Variants in MDGA2 observed in about 807,000 individuals in gnomAD.
MDGA2 encodes MAM domain-containing glycosylphosphatidylinositol anchor protein 2.
A neutral mutation model predicts 117.8 loss-of-function variants in MDGA2; 40 were observed. That is an observed-to-expected ratio of 0.34 (90% CI 0.26 to 0.44). The LOEUF (loss-of-function observed/expected upper bound fraction) is 0.44, where lower values mean the gene tolerates loss of function less well. Among genes scored for constraint, MDGA2 ranks in the 20% least tolerant of loss-of-function variants. The probability of loss-of-function intolerance (pLI) is 1.00; values close to 1 mark genes in which losing one functional copy is unlikely to be tolerated. For missense variants in MDGA2, 1,123 were observed against 1,250.6 expected (o/e 0.90, Z 1.54); for synonymous variants, 452 against 439.0 (o/e 1.03, Z -0.37).
At chr14:47,611,767 C>T (rs959444986) in intron 1 of MDGA2, among the ~76,000 whole-genome samples, 3 of 152,164 alleles carry the variant, frequency 2.0e-5, no homozygotes, top group Non-Finnish European at 4.4e-5. Context: ...TGGAAAGCCA[C>T]ATGCCAAACA....
At chr14:47,660,247 A>C (rs1437039841) in intron 1 of MDGA2, among the ~76,000 whole-genome samples, 1 of 152,204 alleles carries the variant, frequency 6.6e-6, no homozygotes, top group Non-Finnish European at 1.5e-5. Flanking sequence ...GTTAAAGAAA[A>C]CATCAGCTGC....
At chr14:46,994,918 T>C (rs1479214836) in intron 8 of MDGA2, among the ~76,000 whole-genome samples, 1 of 152,140 alleles carries the variant, frequency 6.6e-6, no homozygotes, top group Non-Finnish European at 1.5e-5. Flanking sequence ...TCTGAAGACA[T>C]CATTTTCAGA....
intron 1 of MDGA2, among the ~76,000 whole-genome samples, chr14:47,624,947 C>T (rs1594949582): frequency 6.6e-6 from 1 of 152,064 alleles, no homozygotes; most frequent in African/African-American, 2.4e-5. Flanking sequence ...TTAAATGGAA[C>T]CTTCATTTAG....
chr14:47,174,861 C>T lies in MDGA2; in HGVS notation c.596-30587G>A, dbSNP rs536040948. On this transcript the variant is annotated intron_variant, in intron 3 of 16. Transcript: ENST00000399232. The stretch of plus-strand genomic sequence containing the variant: ...TTCAAAAAATTAATGAATCCAGGAG[C>T]GGGTTTTTTGAAAGGATCAACAAAA... Among the ~76,000 whole-genome samples the T allele has an allele frequency of 1.2e-4, 18 of 151,960 alleles. 1 individual carries two copies. The highest frequency in any genetic ancestry group is 4.1e-4 in the South Asian group (2 of 4,824).
At chr14:47,441,125 G>A (rs1367807456) in intron 1 of MDGA2, among the ~76,000 whole-genome samples, 2 of 152,122 alleles carry the variant, frequency 1.3e-5, no homozygotes, top group Non-Finnish European at 2.9e-5. Context: ...TGAACTCTGA[G>A]CTGAGTGATC....
intron 7 of MDGA2, among the ~76,000 whole-genome samples, chr14:47,052,332 T>G (rs1889488707): frequency 1.3e-5 from 2 of 151,896 alleles, no homozygotes; most frequent in African/African-American, 2.4e-5. Flanking sequence ...TTTAATATTA[T>G]CAAATGAAGA....
intron 1 of MDGA2, among the ~76,000 whole-genome samples, chr14:47,384,201 A>G (rs543419265): frequency 6.6e-6 from 1 of 151,732 alleles, no homozygotes; most frequent in African/African-American, 2.4e-5. Context: ...CCAGGAGGCA[A>G]TAAGGAAGGT....
chr14:46,993,148 AT>A (rs1887157150), intron 8 of MDGA2, among the ~76,000 whole-genome samples: 1 of 152,120 alleles, frequency 6.6e-6, no homozygotes, highest in African/African-American at 2.4e-5. Flanking sequence ...ATATAAATAC[AT>A]TTTATTATTC....
rs185190198 is a variant in MDGA2, at chr14:47,237,881, G to A, written c.421-19686C>T. ...ACCCCTCTAATCTATGTCCCAAATTGCAGCCAGAGTGATCCTGTTAAAACA... is the reference window on the plus strand; with the variant it reads ...ACCCCTCTAATCTATGTCCCAAATTACAGCCAGAGTGATCCTGTTAAAACA... On this transcript the variant is annotated intron_variant, in intron 2 of 16. Transcript: ENST00000399232. Among the ~76,000 whole-genome samples, 16 of 152,146 alleles carry A rather than the reference G, an allele frequency of 1.1e-4. No individual in the cohort carries two copies. The East Asian group carries it at 3.1e-3, about 30-fold the overall frequency.
intron 11 of MDGA2, among the ~76,000 whole-genome samples, chr14:46,879,455 A>T (rs905961247): frequency 2.6e-5 from 4 of 152,162 alleles, no homozygotes; most frequent in Non-Finnish European, 5.9e-5. Context: ...AACCTATATC[A>T]CATAAAAATA....
chr14:47,050,002 T>C (rs572209124), intron 7 of MDGA2, among the ~76,000 whole-genome samples: 3 of 151,964 alleles, frequency 2.0e-5, no homozygotes, highest in Admixed American at 6.6e-5. Flanking sequence ...AATTCCTTAG[T>C]CAAATAGGTC....
At chr14:47,440,675 TC>T (rs1892989947) in intron 1 of MDGA2, among the ~76,000 whole-genome samples, 1 of 19,338 alleles carries the variant, frequency 5.2e-5, no homozygotes, top group Non-Finnish European at 1.1e-4. Flanking sequence ...TTCTACACTT[TC>T]TGTAGGCTTC....
chr14:47,347,797 A>G (rs1890791589), intron 1 of MDGA2, among the ~76,000 whole-genome samples: 1 of 152,224 alleles, frequency 6.6e-6, no homozygotes, highest in Non-Finnish European at 1.5e-5. Context: ...ACGATGTCCA[A>G]TATGTAAAAA....
intron 1 of MDGA2, among the ~76,000 whole-genome samples, chr14:47,615,703 T>C (rs1004460267): frequency 6.6e-6 from 1 of 152,226 alleles, no homozygotes; most frequent in Admixed American, 6.5e-5. Context: ...CAATCTCATT[T>C]ATCACCAGCT....
rs1184883656 is a variant in MDGA2 at position 47,273,906 on chromosome 14, G to C, written c.420+27505C>G. 2.6e-5 allele frequency among the ~76,000 whole-genome samples: 4 copies of C among 152,170 alleles called. No homozygotes were observed. The East Asian group carries it at 7.7e-4, about 29-fold the overall frequency. On this transcript the variant is annotated intron_variant, in intron 2 of 16. Transcript: ENST00000399232. The stretch of plus-strand genomic sequence containing the variant: ...GAGGAACTTTGAGTTTAGCTATAAA[G>C]ATTGACATATGAGGAACTTTTATGT...
chr14:47,179,286 T>C (rs911072888), intron 3 of MDGA2, among the ~76,000 whole-genome samples: 4 of 152,110 alleles, frequency 2.6e-5, no homozygotes, highest in African/African-American at 4.8e-5. Context: ...TTTATACTTA[T>C]GTTTTCTACT....
chr14:47,187,380 A>T (rs190938439), intron 3 of MDGA2, among the ~76,000 whole-genome samples: 1 of 152,046 alleles, frequency 6.6e-6, no homozygotes, highest in African/African-American at 2.4e-5. Context: ...GGCAAACCAA[A>T]AAAACAAAGT....
In MDGA2 at chr14:47,043,366, G is replaced by A. The variant is rs998804365; in HGVS notation, c.1526-8062C>T. 5.3e-5 allele frequency among the ~76,000 whole-genome samples: 8 copies of A among 152,046 alleles called. 1 individual carries two copies. Among genetic ancestry groups the A allele is most frequent in the Admixed American group, 1.3e-4 (2 of 15,248 alleles). ...AATTCTTAGTATATAAAAATATGAA[G>A]TTAACATGTTGAGTTATATAATATG... is the stretch of plus-strand genomic sequence containing the variant. On this transcript the variant is annotated intron_variant, in intron 7 of 16. Coordinates refer to ENST00000399232, the MANE Select transcript of MDGA2 (RefSeq NM_001113498.3).
intron 7 of MDGA2, among the ~76,000 whole-genome samples, chr14:47,055,830 T>C (rs192082150): frequency 3.3e-4 from 51 of 152,264 alleles, no homozygotes; most frequent in Non-Finnish European, 6.5e-4. Flanking sequence ...ATAGTTGTGA[T>C]GGAAACCATA....
Sources: allele counts gnomAD v4.1 joint callset (sites outside exome capture counted in the v4.1 genomes callset), GRCh38; gene constraint gnomAD v4.1.1; transcripts MANE v1.5; gene names NCBI Gene and HGNC (gene_info 2026-07-23, HGNC 2026-07-21).